Variants in TTLL9 observed in about 807,000 individuals in gnomAD.
TTLL9 encodes the protein probable tubulin polyglutamylase TTLL9.
TTLL9 carries 47 observed loss-of-function variants against 65.6 expected under a neutral mutation model. The ratio of observed to expected loss-of-function variants is 0.72; its 90% CI spans 0.57 to 0.91. TTLL9 has a LOEUF of 0.91. TTLL9 is among the 40% of genes least tolerant of loss of function. TTLL9 has a pLI of 0.00. For synonymous variants in TTLL9, 179 were observed against 204.8 expected (o/e 0.87, Z 1.07); for missense variants, 537 against 568.8 (o/e 0.94, Z 0.57).
At chr20:31,934,356 G>A (rs2064071461) in intron 11 of TTLL9, 2 of 530,470 alleles carry the variant, frequency 3.8e-6, no homozygotes, top group Non-Finnish European at 7.2e-6. Context: ...TGCATACACA[G>A]CCCTGAAAAT....
intron 3 of TTLL9, among the ~76,000 whole-genome samples, chr20:31,890,077 TTG>T: frequency 7.6e-6 from 1 of 131,740 alleles, no homozygotes; most frequent in Non-Finnish European, 1.6e-5. Context: ...TCTTGCTTTC[TTG>T]CTTTCTTGCT....
chr20:31,877,429 G>A (rs1003061524), intron 2 of TTLL9, among the ~76,000 whole-genome samples: 3 of 152,094 alleles, frequency 2.0e-5, no homozygotes, highest in Non-Finnish European at 2.9e-5. Flanking sequence ...CACCGCGCCC[G>A]GCCTGGCAGT....
chr20:31,920,457 C>T (rs1600595078), intron 7 of TTLL9, among the ~76,000 whole-genome samples: 1 of 152,202 alleles, frequency 6.6e-6, no homozygotes, highest in Non-Finnish European at 1.5e-5. Context: ...TGGTTCAAAT[C>T]CTGCCTCTCC....
chr20:31,916,346 A>G (rs980033050), intron 6 of TTLL9, among the ~76,000 whole-genome samples: 9 of 152,216 alleles, frequency 5.9e-5, no homozygotes, highest in East Asian at 3.8e-4. Context: ...TGGAGAACAT[A>G]TGGGACAGGA....
In TTLL9 at chr20:31,944,548, T is replaced by G. The variant is rs2064285974; in HGVS notation, c.*1527T>G. 1 of 152,356 alleles carries G rather than the reference T, an allele frequency of 6.6e-6. No individual in the cohort carries two copies. The highest frequency in any genetic ancestry group is 1.5e-5 in the Non-Finnish European group (1 of 68,152). The allele number at this position is 152,356 out of a possible 1,614,324, so 9.4% of individuals were successfully genotyped here. A position where few individuals can be genotyped will look rare whatever the true frequency, so the allele number is the denominator to read the frequency against. ...TATAAGACACCAGCCTTCCCCTTGC[T>G]TTCCTCACTTGATGTATCTTGGAGC... On this transcript the variant is annotated 3_prime_UTR_variant, in exon 15 of 15. Transcript: ENST00000535842.
At chr20:31,939,288 G>C in intron 14 of TTLL9, 22 bp downstream of exon 14, 2 of 1,612,802 alleles carry the variant, frequency 1.2e-6, no homozygotes, top group South Asian at 2.2e-5. Context: ...CAGGTGGGGA[G>C]TGGGCACAAG....
Position 31,930,177 on chromosome 20 carries a change from C to G in TTLL9, c.749-3623C>G, listed in dbSNP as rs1028986588. Among the ~76,000 whole-genome samples the G allele has an allele frequency of 2.0e-5, 3 of 151,962 alleles. No individual in the cohort carries two copies. In the South Asian group the frequency reaches 6.2e-4, roughly 32 times the overall value. On this transcript the variant is annotated intron_variant, in intron 10 of 14. Coordinates refer to ENST00000535842, the MANE Select transcript of TTLL9 (RefSeq NM_001008409.5). ...TATTTTTACCCTCCTATTGACTGGT[C>G]CATTTCATCCCAACTCCCCAGTCCT...
At chr20:31,916,677 C>T (rs1344855692) in intron 6 of TTLL9, among the ~76,000 whole-genome samples, 2 of 152,222 alleles carry the variant, frequency 1.3e-5, no homozygotes, top group African/African-American at 4.8e-5. Context: ...GGCTTTTTGT[C>T]ATCAGACTTG....
chr20:31,888,363 T>G (rs908393711), intron 3 of TTLL9, among the ~76,000 whole-genome samples: 1 of 152,254 alleles, frequency 6.6e-6, no homozygotes, highest in Non-Finnish European at 1.5e-5. Flanking sequence ...AGCAATGTTC[T>G]GAATCCTGGC....
intron 14 of TTLL9, chr20:31,939,969 A>G (rs1207770848): frequency 3.3e-5 from 5 of 152,248 alleles, no homozygotes; most frequent in East Asian, 1.9e-4. Context: ...GTTTGTACAT[A>G]TGCCAAAATT....
At chr20:31,881,862 T>C (rs1487177811) in intron 2 of TTLL9, among the ~76,000 whole-genome samples, 1 of 152,202 alleles carries the variant, frequency 6.6e-6, no homozygotes, top group Non-Finnish European at 1.5e-5. Flanking sequence ...CACAAACTCT[T>C]AGCAGTCTAC....
intron 6 of TTLL9, among the ~76,000 whole-genome samples, chr20:31,917,192 C>T (rs1214209725): frequency 2.6e-5 from 4 of 152,126 alleles, no homozygotes; most frequent in Admixed American, 6.6e-5. Context: ...ATAAACAGAG[C>T]GTTCCCTACC....
At chr20:31,938,298 G>A in intron 13 of TTLL9, 2 of 440,956 alleles carry the variant, frequency 4.5e-6, no homozygotes, top group Non-Finnish European at 9.2e-6. Flanking sequence ...AGGGAGTGGG[G>A]TCAACCCCAT....
At chr20:31,920,140 G>A (rs2063794486) in intron 7 of TTLL9, among the ~76,000 whole-genome samples, 1 of 152,160 alleles carries the variant, frequency 6.6e-6, no homozygotes, top group Non-Finnish European at 1.5e-5. Context: ...GTGTGCCCTT[G>A]AGCAAGTTAC....
At chr20:31,915,663 G>C (rs1205380011) in intron 6 of TTLL9, among the ~76,000 whole-genome samples, 1 of 152,072 alleles carries the variant, frequency 6.6e-6, no homozygotes, top group Non-Finnish European at 1.5e-5. Context: ...CTGTTGGCTG[G>C]GTGACCTTGG....
intron 2 of TTLL9, among the ~76,000 whole-genome samples, chr20:31,875,609 C>G (rs1452240376): frequency 6.6e-6 from 1 of 152,172 alleles, no homozygotes; most frequent in Non-Finnish European, 1.5e-5. Flanking sequence ...TCCTGGAAGT[C>G]TTTACTGACT....
chr20:31,913,517 T>A (rs953608085), intron 6 of TTLL9, among the ~76,000 whole-genome samples: 6 of 152,116 alleles, frequency 3.9e-5, no homozygotes, highest in South Asian at 2.1e-4. Flanking sequence ...CAGGCAAAAG[T>A]TTTCGCATAG....
Position 31,908,634 on chromosome 20 carries a change from C to T in TTLL9, c.250C>T (p.Arg84Trp), listed in dbSNP as rs757435072. 1.2e-5 allele frequency: 20 copies of T among 1,614,012 alleles called. No individual in the cohort carries two copies. Among genetic ancestry groups the T allele is most frequent in the Middle Eastern group, 1.6e-4 (1 of 6,084 alleles). ...DFYWCDVSWLRENFDHTYMDE... is the reference protein window; with the variant it reads ...DFYWCDVSWLWENFDHTYMDE... ...CTACTGGTGTGACGTCAGCTGGCTCCGGGAGAACTTCGACCACACCTACAT... is the reference window on the plus strand; with the variant it reads ...CTACTGGTGTGACGTCAGCTGGCTCTGGGAGAACTTCGACCACACCTACAT... Residue 84 changes from arginine to tryptophan, a missense_variant, in exon 5 of 15, where the codon CGG (arginine) becomes TGG (tryptophan). Arg to Trp is a moderately radical substitution (Grantham distance 101). This residue lies in a region of TTLL9 where 320 missense variants were observed against 311.0 expected (regional missense o/e 1.03). Coordinates refer to ENST00000535842, the MANE Select transcript of TTLL9 (RefSeq NM_001008409.5).
chr20:31,877,600 T>A (rs2063054832), intron 2 of TTLL9, among the ~76,000 whole-genome samples: 1 of 152,232 alleles, frequency 6.6e-6, no homozygotes, highest in South Asian at 2.1e-4. Flanking sequence ...TCCATTTAAT[T>A]AGGCATCTAT....
Sources: allele counts gnomAD v4.1 joint callset (sites outside exome capture counted in the v4.1 genomes callset), GRCh38; gene constraint gnomAD v4.1.1; regional missense constraint gnomAD v4.1.1; transcripts MANE v1.5; gene names NCBI Gene and HGNC (gene_info 2026-07-23, HGNC 2026-07-21).